The following HDAC11 variants were observed in gnomAD, a reference collection of about 807,000 sequenced individuals.
HDAC11 encodes histone deacetylase 11.
A neutral mutation model predicts 41.1 loss-of-function variants in HDAC11; 23 were observed. The observed-to-expected ratio is 0.56, with a 90% CI of 0.40 to 0.79. HDAC11 has a LOEUF of 0.79. HDAC11 is among the 30% of genes least tolerant of loss of function. HDAC11 has a pLI of 0.00. For missense variants in HDAC11, 402 were observed against 477.3 expected (o/e 0.84, Z 1.47); for synonymous variants, 187 against 186.6 (o/e 1.00, Z -0.02).
chr3:13,484,465 C>T (rs568594291), intron 3 of HDAC11, among the ~76,000 whole-genome samples: 14 of 152,266 alleles, frequency 9.2e-5, no homozygotes, highest in Admixed American at 3.3e-4. Flanking sequence ...ACTGTGGGCC[C>T]GGCATGGCCA....
chr3:13,494,771 G>A (rs1244212964), intron 3 of HDAC11, among the ~76,000 whole-genome samples: 1 of 152,220 alleles, frequency 6.6e-6, no homozygotes, highest in African/African-American at 2.4e-5. Context: ...GCATTCCCCA[G>A]CAGTGTGGGC....
chr3:13,498,825 C>T (rs575229695), intron 5 of HDAC11, among the ~76,000 whole-genome samples: 4 of 152,254 alleles, frequency 2.6e-5, no homozygotes, highest in East Asian at 1.9e-4. Context: ...CCCCTCTTTG[C>T]GTACTTCCGG....
In HDAC11 at chr3:13,504,816, G is replaced by C; in HGVS notation, c.*133G>C. 1 of 794,072 alleles carries C rather than the reference G, an allele frequency of 1.3e-6. No individual in the cohort carries two copies. The highest frequency in any genetic ancestry group is 2.0e-6 in the Non-Finnish European group (1 of 491,114). 49.2% of individuals were successfully genotyped at this position (794,072 alleles called of 1,614,324 possible). ...CAGGGCCATCCCTGGCTGGGGCCTGGAGCTGGCCCTTCCTCTACTTTTCCC... is the reference window on the plus strand; with the variant it reads ...CAGGGCCATCCCTGGCTGGGGCCTGCAGCTGGCCCTTCCTCTACTTTTCCC... On this transcript the variant is annotated 3_prime_UTR_variant, in exon 10 of 10. Transcript: ENST00000295757.
chr3:13,500,641 A>G, intron 5 of HDAC11, 72 bp from the exon 6 acceptor site: 1 of 1,231,976 alleles, frequency 8.1e-7, no homozygotes, highest in South Asian at 1.3e-5. Context: ...GGGGAGGTGA[A>G]GGGATGGAGG....
intron 3 of HDAC11, among the ~76,000 whole-genome samples, chr3:13,492,262 C>G (rs530346636): frequency 6.6e-6 from 1 of 152,164 alleles, no homozygotes; most frequent in African/African-American, 2.4e-5. Flanking sequence ...AGTCATGGCT[C>G]TCCTGGGATG....
Position 13,504,268 on chromosome 3 carries a change from C to T in HDAC11, c.824C>T (p.Pro275Leu). The T allele has an allele frequency of 1.9e-6, 3 of 1,613,218 alleles. No individual in the cohort carries two copies. Among genetic ancestry groups the T allele is most frequent in the Non-Finnish European group, 2.5e-6 (3 of 1,179,980 alleles). The change falls in exon 9 of 10, where the codon CCA becomes CTA. Residue 275 changes from proline (P) to leucine (L), a missense_variant. By Grantham distance (98) the Pro-to-Leu change is moderately conservative. Coordinates refer to ENST00000295757, the MANE Select transcript of HDAC11 (RefSeq NM_024827.4). ...CGCCTTGGGGGGCTGTCCATCAGCC[C>T]AGCGGTACGTCCTGACCCTTGGGGC... is the stretch of plus-strand genomic sequence containing the variant. ...GDRLGGLSIS[P>L]AGIVKRDELV...
intron 3 of HDAC11, among the ~76,000 whole-genome samples, chr3:13,489,316 T>A (rs1332565559): frequency 6.6e-6 from 1 of 152,242 alleles, no homozygotes; most frequent in Non-Finnish European, 1.5e-5. Flanking sequence ...CATGAAGGTT[T>A]ACCGCATGTG....
In HDAC11 at chr3:13,480,510, C is replaced by G. The variant is rs1418176445; in HGVS notation, c.2+161C>G. 6 of 365,572 alleles carry G rather than the reference C, an allele frequency of 1.6e-5. No homozygotes were observed. In the Admixed American group the frequency reaches 3.0e-4, roughly 19 times the overall value. 22.6% of individuals were successfully genotyped at this position (365,572 alleles called of 1,614,324 possible). On this transcript the variant is annotated intron_variant, in intron 1 of 9. Transcript: ENST00000295757. This position sits in a 1 kb window ranked among gnomAD's most constrained non-coding sequence, Gnocchi z 4.6. ...TCGGGACGGGTGTTTCCAGGCCCTC[C>G]CGGCGCGCCAGGCCAGCCCCGCGCC...
At chr3:13,488,855 T>C (rs1701717284) in intron 3 of HDAC11, among the ~76,000 whole-genome samples, 1 of 152,194 alleles carries the variant, frequency 6.6e-6, no homozygotes, top group South Asian at 2.1e-4. Flanking sequence ...GCTGCACCAT[T>C]TCCACCAGTA....
chr3:13,504,845 T>A lies in HDAC11; in HGVS notation c.*162T>A. On this transcript the variant is annotated 3_prime_UTR_variant, in exon 10 of 10. Coordinates refer to ENST00000295757, the MANE Select transcript of HDAC11 (RefSeq NM_024827.4). ...TGGCCCTTCCTCTACTTTTCCCTGC[T>A]GGAAGCCAGAAGGGCTTGAGGCCTC... is the stretch of plus-strand genomic sequence containing the variant. 1.5e-6 allele frequency: 1 copy of A among 676,656 alleles called. No homozygotes were observed. Among genetic ancestry groups the A allele is most frequent in the East Asian group, 2.7e-5 (1 of 36,858 alleles). 41.9% of individuals were successfully genotyped at this position (676,656 alleles called of 1,614,324 possible).
rs749542822 is a variant in HDAC11 at position 13,496,718 on chromosome 3, C to T, written c.253-18C>T. On this transcript the variant is annotated intron_variant, in intron 3 of 9. Transcript: ENST00000295757. ...GGGTGGGGAAGCGGAGGCCAACAGC[C>T]CCTGTCTTTTTCCGCAGTGGTCCTT... 6.5e-6 allele frequency: 10 copies of T among 1,543,690 alleles called. No homozygotes were observed. In the South Asian group the frequency reaches 9.2e-5, roughly 14 times the overall value.
Position 13,504,236 on chromosome 3 carries a change from G to A in HDAC11, c.792G>A (p.Glu264=), listed in dbSNP as rs758555886. 6.2e-7 allele frequency: 1 copy of A among 1,613,664 alleles called. No individual in the cohort carries two copies. The highest frequency in any genetic ancestry group is 1.1e-5 in the South Asian group (1 of 91,080). ...VVYNAGTDIL[E]GDRLGGLSIS... ...ACAATGCAGGCACCGACATCCTCGA[G>A]GGGGACCGCCTTGGGGGGCTGTCCA... The change falls in exon 9 of 10, where the codon GAG becomes GAA. Residue 264 remains glutamate, a synonymous_variant. Coordinates refer to ENST00000295757, the MANE Select transcript of HDAC11 (RefSeq NM_024827.4).
At chr3:13,501,592 T>C in intron 6 of HDAC11, 1 of 668,372 alleles carries the variant, frequency 1.5e-6, no homozygotes, top group Non-Finnish European at 2.8e-6. Flanking sequence ...ATCCAGGGCC[T>C]GAGTGACCCA....
chr3:13,495,368 G>A (rs1377254449), intron 3 of HDAC11, among the ~76,000 whole-genome samples: 1 of 152,080 alleles, frequency 6.6e-6, no homozygotes, highest in Non-Finnish European at 1.5e-5. Context: ...CCCAGGGGCT[G>A]ACTTGGCCCA....
At chr3:13,488,423 A>G (rs1237869210) in intron 3 of HDAC11, among the ~76,000 whole-genome samples, 1 of 151,996 alleles carries the variant, frequency 6.6e-6, no homozygotes, top group African/African-American at 2.4e-5. Context: ...CTTGCTCCCC[A>G]TTTATCCCCC....
chr3:13,481,528 TC>T (rs1013940489), intron 2 of HDAC11, 134 bp downstream of exon 2: 9 of 976,626 alleles, frequency 9.2e-6, no homozygotes, highest in Non-Finnish European at 1.4e-5. Context: ...CACCCATGCT[TC>T]CGCCCAAAAT....
In HDAC11 at chr3:13,502,812, G is replaced by A. The variant is rs777291849; in HGVS notation, c.553-72G>A. 21 of 1,180,052 alleles carry A rather than the reference G, an allele frequency of 1.8e-5. No individual in the cohort carries two copies. Among genetic ancestry groups the A allele is most frequent in the Non-Finnish European group, 2.4e-5 (19 of 796,548 alleles). 73.1% of individuals were successfully genotyped at this position (1,180,052 alleles called of 1,614,324 possible). On this transcript the variant is annotated intron_variant, in intron 7 of 9. Transcript: ENST00000295757. This position sits in a 1 kb window ranked among gnomAD's most constrained non-coding sequence, Gnocchi z 4.1. ...TGGCAAATGGGGAGTTTCCTGAGGG[G>A]TGGGTGGGTGGCAGAGCCCCAGCCT... is the stretch of plus-strand genomic sequence containing the variant.
At chr3:13,483,316 C>G (rs796739653) in intron 2 of HDAC11, 148 bp from the exon 3 acceptor site, 8 of 639,346 alleles carry the variant, frequency 1.3e-5, no homozygotes, top group South Asian at 1.1e-4. Context: ...GAGGCTACCC[C>G]TTCTCAGAAG....
chr3:13,480,344 C>A lies in HDAC11; in HGVS notation c.-4C>A. The A allele has an allele frequency of 8.2e-7, 1 of 1,219,272 alleles. No homozygotes were observed. The highest frequency in any genetic ancestry group is 1.0e-6 in the Non-Finnish European group (1 of 980,132). The allele number at this position is 1,219,272 out of a possible 1,614,324, so 75.5% of individuals were successfully genotyped here. The stretch of plus-strand genomic sequence containing the variant: ...CGGCCAGCTTTGGGAGGGCCGGCCC[C>A]GGGATGTGAGTGCCGCGGGGCGAGG... On this transcript the variant is annotated 5_prime_UTR_variant, in exon 1 of 10. Coordinates refer to ENST00000295757, the MANE Select transcript of HDAC11 (RefSeq NM_024827.4). The surrounding 1 kb of genome is among the most constrained non-coding windows in gnomAD (Gnocchi z 4.6).
Sources: allele counts gnomAD v4.1 joint callset (sites outside exome capture counted in the v4.1 genomes callset), GRCh38; gene constraint gnomAD v4.1.1; non-coding constraint Gnocchi (gnomAD v3.1); transcripts MANE v1.5; gene names NCBI Gene and HGNC (gene_info 2026-07-23, HGNC 2026-07-21).